RNASE10: variants seen among roughly 807,000 people sequenced by gnomAD.
RNASE10 encodes ribonuclease A family member 10 (inactive).
RNASE10 carries 2 observed loss-of-function variants against 1.1 expected under a neutral mutation model. The observed-to-expected ratio is 1.82, with a 90% CI of 0.74 to 5.73. The LOEUF is 5.73. RNASE10 is among the 30% of genes most tolerant of loss of function. The pLI is 0.05. For missense variants in RNASE10, 276 were observed against 263.4 expected (o/e 1.05, Z -0.33); for synonymous variants, 97 against 96.2 (o/e 1.01, Z -0.05).
At chr14:20,506,995 G>A (rs1882754283) in intron 1 of RNASE10, among the ~76,000 whole-genome samples, 1 of 148,930 alleles carries the variant, frequency 6.7e-6, no homozygotes, top group African/African-American at 2.5e-5. Context: ...AGGTGGTGGG[G>A]GTCAGCCCCC....
intron 1 of RNASE10, among the ~76,000 whole-genome samples, chr14:20,508,104 A>G (rs920428015): frequency 6.6e-6 from 1 of 152,172 alleles, no homozygotes. Flanking sequence ...ACACATGTAT[A>G]CATATCCATA....
exon 2 of RNASE10, chr14:20,510,666 A>G (rs966631960): frequency 6.2e-7 from 1 of 1,614,224 alleles, no homozygotes; most frequent in East Asian, 2.2e-5. Flanking sequence ...CCCAAACCAC[A>G]GAAACGCTGG....
At chr14:20,508,629 G>A (rs542826280) in intron 1 of RNASE10, among the ~76,000 whole-genome samples, 6 of 152,248 alleles carry the variant, frequency 3.9e-5, no homozygotes, top group South Asian at 2.1e-4. Flanking sequence ...AAAGTGCTCC[G>A]TTTGAGTGAA....
intron 1 of RNASE10, among the ~76,000 whole-genome samples, chr14:20,506,433 G>C (rs1882720477): frequency 7.6e-6 from 1 of 131,960 alleles, no homozygotes; most frequent in Non-Finnish European, 1.7e-5. Flanking sequence ...CCGTCCGGGA[G>C]GGGGGAGGGG....
intron 1 of RNASE10, among the ~76,000 whole-genome samples, chr14:20,508,458 T>A (rs1882808566): frequency 6.6e-6 from 1 of 152,218 alleles, no homozygotes; most frequent in Non-Finnish European, 1.5e-5. Flanking sequence ...GTGTCCATGT[T>A]GTAGACACCA....
At chr14:20,504,968 T>C (rs1882652633), upstream of RNASE10, among the ~76,000 whole-genome samples, 1 of 152,120 alleles carries the variant, frequency 6.6e-6, no homozygotes, top group Non-Finnish European at 1.5e-5. Context: ...GCAGCGTGTA[T>C]CCAGCGAATA....
chr14:20,511,248 C>A, downstream of RNASE10: 1 of 733,818 alleles, frequency 1.4e-6, no homozygotes, highest in Non-Finnish European at 2.0e-6. Flanking sequence ...CCCTATGGGT[C>A]ACCCAACTTG....
At chr14:20,513,263 G>C (rs186073871), downstream of RNASE10, among the ~76,000 whole-genome samples, 1 of 151,774 alleles carries the variant, frequency 6.6e-6, no homozygotes, top group African/African-American at 2.4e-5. Flanking sequence ...GTAGACTATC[G>C]CAGGAAAGCA....
chr14:20,508,000 T>A (rs999952029), intron 1 of RNASE10, among the ~76,000 whole-genome samples: 1 of 152,152 alleles, frequency 6.6e-6, no homozygotes, highest in Non-Finnish European at 1.5e-5. Context: ...TCCACCTGCC[T>A]CGGTCTCCCA....
downstream of RNASE10, chr14:20,511,301 T>G (rs1465360718): frequency 8.3e-6 from 4 of 483,102 alleles, no homozygotes; most frequent in Middle Eastern, 5.4e-4. Flanking sequence ...AAGGTGATGA[T>G]GCCTAGTTTC....
At position 20,510,596 on chromosome 14, in the gene RNASE10, A is replaced by G. The variant is rs753947579; in HGVS notation, c.209A>G (p.Asn70Ser). ...TTGGAGGAGAGTGATCAACCGCTCA[A>G]TGAATTTTGGTCCAGTGACTCACAG... is the stretch of plus-strand genomic sequence containing the variant. Residue 70 changes from asparagine (N) to serine (S), a missense_variant, in exon 2 of 2, where the codon AAT becomes AGT. Physicochemically the swap from Asn to Ser is conservative, Grantham distance 46. Coordinates refer to ENST00000430083, the Ensembl canonical transcript of RNASE10. 12 of 1,614,158 alleles carry G rather than the reference A, an allele frequency of 7.4e-6. No homozygotes were observed. Among genetic ancestry groups the G allele is most frequent in the Non-Finnish European group, 1.0e-5 (12 of 1,180,020 alleles).
downstream of RNASE10, among the ~76,000 whole-genome samples, chr14:20,512,915 G>T (rs1022862845): frequency 2.6e-5 from 4 of 152,162 alleles, no homozygotes; most frequent in African/African-American, 9.7e-5. Flanking sequence ...TGGGAAGAGG[G>T]GAAAGAAGAA....
intron 1 of RNASE10, among the ~76,000 whole-genome samples, chr14:20,507,635 T>TAA (rs1447695495): frequency 3.2e-5 from 3 of 93,202 alleles, no homozygotes; most frequent in African/African-American, 1.2e-4. Context: ...AATAAATAAA[T>TAA]AAAATTTTCA....
rs758095171 is a variant in RNASE10, at chr14:20,510,886, G to A, written c.499G>A (p.Ala167Thr). 4 of 1,614,122 alleles carry A rather than the reference G, an allele frequency of 2.5e-6. No individual in the cohort carries two copies. The Admixed American group carries it at 6.7e-5, about 27-fold the overall frequency. Residue 167 changes from alanine (A) to threonine (T), a missense_variant, in exon 2 of 2, where the codon GCA becomes ACA. Coordinates refer to ENST00000430083, the Ensembl canonical transcript of RNASE10. ...CAGTCAGAGTTGCATAGCCCAGTATGCATTCATCCATGAGGATCTAAACAC... is the reference window on the plus strand; with the variant it reads ...CAGTCAGAGTTGCATAGCCCAGTATACATTCATCCATGAGGATCTAAACAC...
At chr14:20,510,604 TGGTCCAGTG>T (rs1487492758) in exon 2 of RNASE10, 1 of 1,614,184 alleles carries the variant, frequency 6.2e-7, no homozygotes, top group Non-Finnish European at 8.5e-7. Context: ...CAATGAATTT[TGGTCCAGTG>T]ACTCACAGGA....
chr14:20,511,920 C>T (rs1460808302), downstream of RNASE10, among the ~76,000 whole-genome samples: 1 of 151,804 alleles, frequency 6.6e-6, no homozygotes, highest in African/African-American at 2.4e-5. Context: ...TTTAGAGATT[C>T]AGTCAGCCGA....
At chr14:20,511,676 G>A (rs564467068), downstream of RNASE10, among the ~76,000 whole-genome samples, 25 of 152,298 alleles carry the variant, frequency 1.6e-4, no homozygotes, top group African/African-American at 5.3e-4. Context: ...GTGGTGTGGT[G>A]CTGTAGAGCA....
At chr14:20,513,211 T>C (rs2139374382), downstream of RNASE10, among the ~76,000 whole-genome samples, 1 of 150,352 alleles carries the variant, frequency 6.7e-6, no homozygotes, top group Admixed American at 6.6e-5. Context: ...TTCTTTTGTT[T>C]TGTTTTGTTT....
chr14:20,511,371 T>C (rs1882897487), downstream of RNASE10, among the ~76,000 whole-genome samples: 1 of 152,226 alleles, frequency 6.6e-6, no homozygotes, highest in African/African-American at 2.4e-5. Context: ...AGAGCTGCTG[T>C]AGTCCGTACT....
Sources: gnomAD v4.1 joint callset for allele counts (sites outside exome capture counted in the v4.1 genomes callset) on GRCh38, gnomAD v4.1.1 for gene constraint, MANE v1.5 for transcripts, NCBI Gene and HGNC (gene_info 2026-07-23, HGNC 2026-07-21) for gene names.